The following DDX46 variants were observed in gnomAD, a reference collection of about 807,000 sequenced individuals.
DDX46 encodes the protein probable ATP-dependent RNA helicase DDX46.
A neutral mutation model predicts 134.9 loss-of-function variants in DDX46; 30 were observed. The observed-to-expected ratio is 0.22, with a 90% CI of 0.17 to 0.30. DDX46 has a LOEUF of 0.30. Among genes scored for constraint, DDX46 ranks in the 10% least tolerant of loss-of-function variants. The pLI, the probability that DDX46 is intolerant of heterozygous loss-of-function variation, is 1.00. For synonymous variants in DDX46, 415 were observed against 404.1 expected, an observed-to-expected ratio of 1.03 and a Z score of -0.32; for missense variants, 622 against 1,248.7, an observed-to-expected ratio of 0.50 and a Z score of 7.56.
At chr5:134,764,853 TCCTC>T (rs1753512260) in intron 2 of DDX46, among the ~76,000 whole-genome samples, 1 of 150,026 alleles carries the variant, frequency 6.7e-6, no homozygotes, top group Non-Finnish European at 1.5e-5. Context: ...CTCTCTTCCT[TCCTC>T]CCTATCTCCT....
At position 134,830,809 on chromosome 5, in the gene DDX46, A is replaced by G. The variant is rs1275158682; in HGVS notation, c.*2103A>G. 1 of 152,560 alleles carries G rather than the reference A, an allele frequency of 6.6e-6. No individual in the cohort carries two copies. The highest frequency in any genetic ancestry group is 6.5e-5 in the Admixed American group (1 of 15,270). The allele number at this position is 152,560 out of a possible 1,614,324, so 9.5% of individuals were successfully genotyped here. A position where few individuals can be genotyped will look rare whatever the true frequency, so the allele number is the denominator to read the frequency against. On this transcript the variant is annotated 3_prime_UTR_variant, in exon 23 of 23. Coordinates refer to ENST00000452510, the MANE Select transcript of DDX46 (RefSeq NM_001300860.2). Reference sequence around the variant, plus strand: ...ATTTATTTGCTCATCTTTATCACCTAATGGTAGTTTGTTTTCTTTGGTAGA... The same window carrying G: ...ATTTATTTGCTCATCTTTATCACCTGATGGTAGTTTGTTTTCTTTGGTAGA...
At chr5:134,817,143 A>G in intron 19 of DDX46, 1 of 207,276 alleles carries the variant, frequency 4.8e-6, no homozygotes, top group Non-Finnish European at 9.5e-6. Context: ...AGTAGTACAA[A>G]CATTCAAATT....
At chr5:134,811,971 A>C in intron 18 of DDX46, 126 bp downstream of exon 18, 1 of 1,207,350 alleles carries the variant, frequency 8.3e-7, no homozygotes, top group Non-Finnish European at 1.1e-6. Flanking sequence ...GTTCCAGAAC[A>C]GTTTTGGAAA....
At chr5:134,786,424 A>G (rs1219574691) in intron 11 of DDX46, among the ~76,000 whole-genome samples, 1 of 151,764 alleles carries the variant, frequency 6.6e-6, no homozygotes, top group Admixed American at 6.6e-5. Context: ...TTCATTTTAC[A>G]TATGAGGAAA....
intron 21 of DDX46, among the ~76,000 whole-genome samples, chr5:134,822,176 G>C (rs1171829249): frequency 6.6e-6 from 1 of 152,196 alleles, no homozygotes; most frequent in African/African-American, 2.4e-5. Context: ...ACCGTGCCCA[G>C]CCAGGTATTT....
At chr5:134,781,360 T>A in intron 7 of DDX46, 114 bp downstream of exon 7, 1 of 775,666 alleles carries the variant, frequency 1.3e-6, no homozygotes. Context: ...TTCCCAGAAT[T>A]GAGAGACATT....
At chr5:134,787,460 T>C (rs1425008037) in intron 11 of DDX46, among the ~76,000 whole-genome samples, 2 of 152,250 alleles carry the variant, frequency 1.3e-5, no homozygotes, top group African/African-American at 2.4e-5. Flanking sequence ...ACTACAAAAC[T>C]GTTTCTTAGG....
intron 15 of DDX46, 124 bp from the exon 16 acceptor site, chr5:134,807,624 T>C (rs1352945426): frequency 2.4e-6 from 2 of 818,718 alleles, no homozygotes; most frequent in Non-Finnish European, 3.7e-6. Context: ...TTTCTTAGTC[T>C]TTTATTTTCT....
At chr5:134,816,283 A>G (rs1327018726) in intron 18 of DDX46, 147 bp from the exon 19 acceptor site, 3 of 664,036 alleles carry the variant, frequency 4.5e-6, no homozygotes, top group Non-Finnish European at 4.6e-6. Flanking sequence ...ATATTTTCCC[A>G]TGGATCTGTG....
chr5:134,764,253 T>G (rs1374368954), intron 2 of DDX46, among the ~76,000 whole-genome samples, 161 bp downstream of exon 2: 1 of 151,798 alleles, frequency 6.6e-6, no homozygotes, highest in African/African-American at 2.4e-5. Flanking sequence ...AGGATGTGCC[T>G]ACAAAGACTC....
chr5:134,761,487 T>C (rs949319788), intron 1 of DDX46, among the ~76,000 whole-genome samples: 15 of 152,228 alleles, frequency 9.9e-5, no homozygotes, highest in Admixed American at 2.0e-4. Context: ...GCTTGAGAGA[T>C]AATCAGGTGC....
chr5:134,819,388 C>CTGTGAAATTT (rs1247014269), intron 21 of DDX46, among the ~76,000 whole-genome samples: 1 of 152,054 alleles, frequency 6.6e-6, no homozygotes, highest in Non-Finnish European at 1.5e-5. Flanking sequence ...GAAATTATCC[C>CTGTGAAATTT]CATGAAAGTT....
At chr5:134,827,226 C>T (rs1755613846) in intron 22 of DDX46, among the ~76,000 whole-genome samples, 1 of 151,992 alleles carries the variant, frequency 6.6e-6, no homozygotes, top group Non-Finnish European at 1.5e-5. Flanking sequence ...ATTCTTGTCA[C>T]TATTCATCTC....
chr5:134,795,124 T>G, intron 14 of DDX46, 110 bp downstream of exon 14: 1 of 1,272,570 alleles, frequency 7.9e-7, no homozygotes, highest in Non-Finnish European at 1.1e-6. Flanking sequence ...TAAAATCAAG[T>G]CGTATACCAC....
intron 12 of DDX46, among the ~76,000 whole-genome samples, chr5:134,789,878 A>G (rs1580795935): frequency 1.3e-5 from 2 of 152,304 alleles, no homozygotes; most frequent in Admixed American, 1.3e-4. Context: ...TGGAAAATGT[A>G]TTTATGTAAT....
chr5:134,830,185 G>GA lies in DDX46; in HGVS notation c.*1486dup. 7.2e-6 allele frequency: 1 copy of GA among 138,428 alleles called. No individual in the cohort carries two copies. The highest frequency in any genetic ancestry group is 2.3e-4 in the South Asian group (1 of 4,338). 8.6% of individuals were successfully genotyped at this position (138,428 alleles called of 1,614,324 possible). On this transcript the variant is annotated 3_prime_UTR_variant, in exon 23 of 23. Coordinates refer to ENST00000452510, the MANE Select transcript of DDX46 (RefSeq NM_001300860.2). ...TCAAAAATAGAAAAAAAAAAAAAAA[G>GA]AAAAAAAGAATGTAAAATTTTAAAA...
At position 134,770,888 on chromosome 5, in the gene DDX46, T is replaced by C; in HGVS notation, c.351-15T>C. The C allele has an allele frequency of 6.4e-7, 1 of 1,568,110 alleles. No individual in the cohort carries two copies. Among genetic ancestry groups the C allele is most frequent in the Non-Finnish European group, 8.6e-7 (1 of 1,164,824 alleles). ...ATGAATGACATTTCTCTTGTCTCTT[T>C]TATTTTTTTGGTAGATCTAGGTCCA... On this transcript the variant is annotated splice_polypyrimidine_tract_variant and intron_variant, in intron 3 of 22. Coordinates refer to ENST00000452510, the MANE Select transcript of DDX46 (RefSeq NM_001300860.2).
intron 16 of DDX46, among the ~76,000 whole-genome samples, chr5:134,809,660 C>T (rs1755085194): frequency 6.6e-6 from 1 of 152,014 alleles, no homozygotes; most frequent in Non-Finnish European, 1.5e-5. Flanking sequence ...CAGGCATGAG[C>T]CACTGCACCC....
Position 134,783,096 on chromosome 5 carries a change from G to A in DDX46, c.1166+31G>A, listed in dbSNP as rs779639732. ...TGGTTGGTGGTTGTTTATGTTTTCC[G>A]TGTCTTGCTGCTCAAAATAGTCCTT... On this transcript the variant is annotated intron_variant, in intron 9 of 22. Coordinates refer to ENST00000452510, the MANE Select transcript of DDX46 (RefSeq NM_001300860.2). 85 of 1,606,982 alleles carry A rather than the reference G, an allele frequency of 5.3e-5. 1 individual carries two copies. Among genetic ancestry groups the A allele is most frequent in the Non-Finnish European group, 6.1e-5 (72 of 1,175,704 alleles).
Sources: gnomAD v4.1 joint callset for allele counts (sites outside exome capture counted in the v4.1 genomes callset) on GRCh38, gnomAD v4.1.1 for gene constraint, MANE v1.5 for transcripts, NCBI Gene and HGNC (gene_info 2026-07-23, HGNC 2026-07-21) for gene names.